The following AUTS2 variants were observed in gnomAD, a reference collection of about 807,000 sequenced individuals.
The protein encoded by AUTS2 is autism susceptibility gene 2 protein.
In AUTS2, 17 loss-of-function variants were observed where a neutral mutation model predicts 112.4. The ratio of observed to expected loss-of-function variants is 0.15; its 90% CI spans 0.10 to 0.23. The LOEUF (loss-of-function observed/expected upper bound fraction) is 0.23. Ranked by LOEUF, AUTS2 falls within the 10% of genes least tolerant of loss-of-function variation. The pLI is 1.00. For synonymous variants in AUTS2, 751 were observed against 702.7 expected, an observed-to-expected ratio of 1.07 and a Z score of -1.09; for missense variants, 1,510 against 1,701.6, an observed-to-expected ratio of 0.89 and a Z score of 1.98.
intron 4 of AUTS2, among the ~76,000 whole-genome samples, chr7:70,233,337 T>C (rs1812155732): frequency 6.6e-6 from 1 of 152,238 alleles, no homozygotes; most frequent in Admixed American, 6.5e-5. Flanking sequence ...CTTGGAAATA[T>C]TTTCTCTTGA....
At chr7:69,870,530 A>G (rs6943309) in intron 1 of AUTS2, among the ~76,000 whole-genome samples, 1 of 145,522 alleles carries the variant, frequency 6.9e-6, no homozygotes, top group African/African-American at 2.5e-5. Flanking sequence ...AAACAAAAAA[A>G]AAAAATAAAA....
chr7:70,087,989 CTG>C, intron 2 of AUTS2, among the ~76,000 whole-genome samples: 1 of 147,640 alleles, frequency 6.8e-6, no homozygotes, highest in South Asian at 2.1e-4. Context: ...TTTTGAAAAT[CTG>C]TGCTGTTGTA....
chr7:70,325,251 G>T (rs921128768), intron 4 of AUTS2, among the ~76,000 whole-genome samples: 14 of 152,044 alleles, frequency 9.2e-5, no homozygotes, highest in Non-Finnish European at 1.8e-4. Flanking sequence ...TTGAGAACAG[G>T]AGTTTGAGGC....
chr7:70,744,953 C>T (rs1437392845), intron 6 of AUTS2, among the ~76,000 whole-genome samples: 2 of 152,110 alleles, frequency 1.3e-5, no homozygotes, highest in Admixed American at 6.5e-5. Context: ...TTTTCATCAT[C>T]GCCCCTCCAG....
intron 1 of AUTS2, among the ~76,000 whole-genome samples, chr7:69,632,935 A>G (rs1033553835): frequency 6.6e-6 from 1 of 152,202 alleles, no homozygotes; most frequent in South Asian, 2.1e-4. Context: ...GTTACTATAT[A>G]TAGTGAAGCA....
chr7:70,180,549 C>A (rs904556595), intron 4 of AUTS2, among the ~76,000 whole-genome samples: 3 of 152,290 alleles, frequency 2.0e-5, no homozygotes, highest in South Asian at 2.1e-4. Context: ...TCTACCTGGC[C>A]TTCTCACTAG....
At chr7:70,652,618 C>T (rs1169469144) in intron 5 of AUTS2, among the ~76,000 whole-genome samples, 7 of 152,146 alleles carry the variant, frequency 4.6e-5, no homozygotes, top group Admixed American at 1.3e-4. Context: ...GATGTGGTGG[C>T]GTGCGCCTGT....
intron 2 of AUTS2, among the ~76,000 whole-genome samples, chr7:70,035,306 A>G (rs774495746): frequency 5.3e-5 from 8 of 152,050 alleles, no homozygotes; most frequent in Non-Finnish European, 1.2e-4. Context: ...CTAAGTTTCC[A>G]CTTCCTAATC....
At chr7:69,740,888 A>G (rs1240743951) in intron 1 of AUTS2, among the ~76,000 whole-genome samples, 1 of 152,190 alleles carries the variant, frequency 6.6e-6, no homozygotes, top group East Asian at 1.9e-4. Context: ...TCCTTCGGCT[A>G]TGAGAAAGAG....
intron 5 of AUTS2, among the ~76,000 whole-genome samples, chr7:70,487,193 T>G (rs960237107): frequency 6.6e-6 from 1 of 152,144 alleles, no homozygotes; most frequent in East Asian, 1.9e-4. Context: ...CTCCTTTTTC[T>G]GACTCATCTA....
chr7:70,336,145 CT>C (rs1252114926), intron 4 of AUTS2, among the ~76,000 whole-genome samples: 4 of 152,096 alleles, frequency 2.6e-5, no homozygotes, highest in African/African-American at 9.7e-5. Context: ...TACTTTACTT[CT>C]TTTTAAAATA....
intron 5 of AUTS2, among the ~76,000 whole-genome samples, chr7:70,576,690 A>G (rs539134718): frequency 4.6e-5 from 7 of 152,230 alleles, no homozygotes; most frequent in Non-Finnish European, 1.5e-5. Context: ...AAGGATTCCA[A>G]AAATAGGAAT....
intron 1 of AUTS2, among the ~76,000 whole-genome samples, chr7:69,834,681 C>T (rs1791646089): frequency 6.6e-6 from 1 of 152,188 alleles, no homozygotes; most frequent in African/African-American, 2.4e-5. Context: ...CAAACCAAGC[C>T]TTGATGCAGA....
intron 2 of AUTS2, among the ~76,000 whole-genome samples, chr7:70,051,074 G>A (rs1801731005): frequency 6.6e-6 from 1 of 152,204 alleles, no homozygotes; most frequent in Non-Finnish European, 1.5e-5. Context: ...ATGAGCAAAT[G>A]TGTGTTACAG....
chr7:70,034,887 A>G (rs1470570245), intron 2 of AUTS2, among the ~76,000 whole-genome samples: 2 of 152,158 alleles, frequency 1.3e-5, no homozygotes, highest in African/African-American at 4.8e-5. Context: ...GCTGGAGTGC[A>G]GTGGCATAAT....
intron 5 of AUTS2, among the ~76,000 whole-genome samples, chr7:70,551,857 G>A (rs1031161118): frequency 6.6e-6 from 1 of 152,122 alleles, no homozygotes; most frequent in East Asian, 1.9e-4. Flanking sequence ...GTCTAAAATT[G>A]TTCTTAAAAA....
intron 1 of AUTS2, among the ~76,000 whole-genome samples, chr7:69,746,935 G>T (rs1787522089): frequency 6.6e-6 from 1 of 152,148 alleles, no homozygotes; most frequent in African/African-American, 2.4e-5. Context: ...CCTGCCTAAG[G>T]CTGGTGACCA....
intron 4 of AUTS2, among the ~76,000 whole-genome samples, chr7:70,244,183 TATTTC>T (rs1356653019): frequency 9.2e-5 from 14 of 152,166 alleles, no homozygotes; most frequent in African/African-American, 2.9e-4. Context: ...TTTCACATAT[TATTTC>T]ATTATGTTTA....
chr7:70,053,530 C>A (rs1237525333), intron 2 of AUTS2, among the ~76,000 whole-genome samples: 1 of 124,116 alleles, frequency 8.1e-6, no homozygotes, highest in Non-Finnish European at 1.7e-5. Context: ...TTGTGGCAAC[C>A]ACTGTTTTGG....
Sources: allele counts gnomAD v4.1 joint callset (sites outside exome capture counted in the v4.1 genomes callset), GRCh38; gene constraint gnomAD v4.1.1; transcripts MANE v1.5; gene names NCBI Gene and HGNC (gene_info 2026-07-23, HGNC 2026-07-21).